Variants in INPP4A observed in about 807,000 individuals in gnomAD.
INPP4A encodes the protein inositol polyphosphate-4-phosphatase, type I, 107kD.
INPP4A carries 33 observed loss-of-function variants against 119.8 expected under a neutral mutation model. The ratio of observed to expected loss-of-function variants is 0.28; its 90% confidence interval spans 0.21 to 0.37. The LOEUF (loss-of-function observed/expected upper bound fraction) is 0.37. INPP4A is among the 10% of genes least tolerant of loss of function. The probability of loss-of-function intolerance (pLI) is 1.00; values close to 1 mark genes in which losing one functional copy is unlikely to be tolerated. For missense variants in INPP4A, 956 were observed against 1,289.9 expected (o/e 0.74, Z 3.97); for synonymous variants, 496 against 500.7 (o/e 0.99, Z 0.12).
chr2:98,555,183 T>C (rs989009221), intron 15 of INPP4A, among the ~76,000 whole-genome samples: 1 of 152,134 alleles, frequency 6.6e-6, no homozygotes, highest in African/African-American at 2.4e-5. Flanking sequence ...TGTTCCCTTC[T>C]ATCAAAAGGA....
intron 1 of INPP4A, among the ~76,000 whole-genome samples, chr2:98,503,628 C>A (rs1391485043): frequency 6.6e-6 from 1 of 152,228 alleles, no homozygotes; most frequent in East Asian, 1.9e-4. Flanking sequence ...AGGCAGAGAT[C>A]ACTTCTGATT....
rs1227657853 is a variant in INPP4A, at chr2:98,570,194, A to G, written c.2518+1526A>G. Among the ~76,000 whole-genome samples, 1 of 152,164 alleles carries G rather than the reference A, an allele frequency of 6.6e-6. No individual in the cohort carries two copies. The highest frequency in any genetic ancestry group is 1.5e-5 in the Non-Finnish European group (1 of 68,020). On this transcript the variant is annotated intron_variant, in intron 22 of 24. Coordinates refer to ENST00000409851, the MANE Select transcript of INPP4A (RefSeq NM_001134225.2). The surrounding 1 kb of genome is among the most constrained non-coding windows in gnomAD (Gnocchi z 4.3). ...TGCAGCACTGGCCCCAGCTGAGCTG[A>G]TGACATGGGCAAATGACTTGTGGGG... is the stretch of plus-strand genomic sequence containing the variant.
chr2:98,483,154 A>G (rs188005076), intron 1 of INPP4A, among the ~76,000 whole-genome samples: 57 of 152,342 alleles, frequency 3.7e-4, no homozygotes, highest in African/African-American at 1.3e-3. Flanking sequence ...AGGAATAACA[A>G]TACAGTGAAT....
At chr2:98,520,289 C>A in intron 3 of INPP4A, 135 bp downstream of exon 3, 1 of 700,480 alleles carries the variant, frequency 1.4e-6, no homozygotes, top group Non-Finnish European at 2.4e-6. Context: ...GGTTTGGCAT[C>A]CTTCTGGTTG....
chr2:98,525,331 A>C (rs891111610), intron 4 of INPP4A, among the ~76,000 whole-genome samples: 5 of 152,146 alleles, frequency 3.3e-5, no homozygotes, highest in African/African-American at 1.2e-4. Flanking sequence ...ATTCACCCTA[A>C]GGCCTTCCTC....
chr2:98,482,625 G>A (rs1169976687), intron 1 of INPP4A, among the ~76,000 whole-genome samples: 1 of 152,254 alleles, frequency 6.6e-6, no homozygotes, highest in African/African-American at 2.4e-5. Flanking sequence ...CCTGTCACAG[G>A]GAGGCCAGCG....
chr2:98,541,049 C>T (rs1431728288), intron 10 of INPP4A, among the ~76,000 whole-genome samples: 1 of 152,182 alleles, frequency 6.6e-6, no homozygotes, highest in Non-Finnish European at 1.5e-5. Context: ...GGCAAGAGGC[C>T]AGGCGCAGTG....
intron 1 of INPP4A, among the ~76,000 whole-genome samples, chr2:98,503,870 C>T (rs1683581319): frequency 1.3e-5 from 2 of 152,218 alleles, no homozygotes; most frequent in Non-Finnish European, 2.9e-5. Flanking sequence ...GAAGAGGTGC[C>T]ACATGAGAAG....
rs189401193 is a variant in INPP4A at position 98,541,734 on chromosome 2, A to G, written c.818+2059A>G. ...TGAACAGATAGAACTACAAGCACAC[A>G]CCACTATGCCCAGCTAATTTTTTCA... On this transcript the variant is annotated intron_variant, in intron 10 of 24. Transcript: ENST00000409851. 1.7e-3 allele frequency among the ~76,000 whole-genome samples: 258 copies of G among 152,264 alleles called. 1 individual carries two copies. Among genetic ancestry groups the G allele is most frequent in the Middle Eastern group, 6.8e-3 (2 of 294 alleles).
At chr2:98,545,233 C>T (rs1158552505) in intron 11 of INPP4A, among the ~76,000 whole-genome samples, 1 of 152,132 alleles carries the variant, frequency 6.6e-6, no homozygotes, top group Non-Finnish European at 1.5e-5. Flanking sequence ...CTAGATGAAA[C>T]GTTTATTTCT....
At position 98,566,023 on chromosome 2, in the gene INPP4A, C is replaced by T; in HGVS notation, c.2280-6C>T. On this transcript the variant is annotated splice_polypyrimidine_tract_variant and splice_region_variant and intron_variant, in intron 20 of 24. Coordinates refer to ENST00000409851, the MANE Select transcript of INPP4A (RefSeq NM_001134225.2). The surrounding 1 kb of genome is among the most constrained non-coding windows in gnomAD (Gnocchi z 4.2). The stretch of plus-strand genomic sequence containing the variant: ...CACTGCTCTCCCTCTCTCCACCTTT[C>T]TCCAGCGACGGGTTTAACGTGCGGG... 2 of 1,604,184 alleles carry T rather than the reference C, an allele frequency of 1.2e-6. No individual in the cohort carries two copies. Among genetic ancestry groups the T allele is most frequent in the Non-Finnish European group, 8.5e-7 (1 of 1,175,536 alleles).
intron 1 of INPP4A, among the ~76,000 whole-genome samples, chr2:98,452,609 C>T (rs1448612800): frequency 1.3e-5 from 2 of 152,174 alleles, no homozygotes; most frequent in African/African-American, 4.8e-5. Flanking sequence ...TGTTTACGGC[C>T]CTGGGGGCCG....
At chr2:98,470,942 A>G (rs1675888094) in intron 1 of INPP4A, among the ~76,000 whole-genome samples, 1 of 152,200 alleles carries the variant, frequency 6.6e-6, no homozygotes, top group African/African-American at 2.4e-5. Flanking sequence ...CTGGGATTAC[A>G]TGCGTGAGCC....
intron 17 of INPP4A, among the ~76,000 whole-genome samples, chr2:98,562,271 A>G (rs573583054): frequency 2.0e-5 from 3 of 152,254 alleles, no homozygotes; most frequent in East Asian, 1.9e-4. Flanking sequence ...GCTGCTACAT[A>G]TACTTAAACA....
rs535634240 is a variant in INPP4A at position 98,483,493 on chromosome 2, T to C, written c.-165-35471T>C. Among the ~76,000 whole-genome samples the C allele has an allele frequency of 4.6e-3, 695 of 152,242 alleles. 7 individuals carry two copies. Among genetic ancestry groups the C allele is most frequent in the African/African-American group, 0.016 (653 of 41,536 alleles). ...TGGGGCCAAGTCCTGATGGATCATG[T>C]TCCCCCCCGGTCTTGTCTTTCTAAT... On this transcript the variant is annotated intron_variant, in intron 1 of 24. Transcript: ENST00000409851.
intron 16 of INPP4A, among the ~76,000 whole-genome samples, chr2:98,558,012 G>A (rs1198761032): frequency 2.0e-5 from 3 of 152,182 alleles, no homozygotes; most frequent in East Asian, 3.8e-4. Flanking sequence ...CCAGGTTCTT[G>A]TACCCCTGAG....
In INPP4A at chr2:98,594,135, C is replaced by T. The variant is rs1183622802; in HGVS notation, c.*6527C>T. On this transcript the variant is annotated 3_prime_UTR_variant, in exon 25 of 25. Coordinates refer to ENST00000409851, the MANE Select transcript of INPP4A (RefSeq NM_001134225.2). ...CTGGACCACGCTGTTTTTCTCACTA[C>T]ATAATCGGTTACGCTAAATGCATCA... 6.6e-6 allele frequency: 1 copy of T among 152,166 alleles called. No homozygotes were observed. Among genetic ancestry groups the T allele is most frequent in the Non-Finnish European group, 1.5e-5 (1 of 68,040 alleles). 9.4% of individuals were successfully genotyped at this position (152,166 alleles called of 1,614,324 possible).
chr2:98,445,689 A>G (rs1182432135), intron 1 of INPP4A, among the ~76,000 whole-genome samples: 1 of 152,230 alleles, frequency 6.6e-6, no homozygotes, highest in East Asian at 1.9e-4. Context: ...CAGACGTTCA[A>G]AATGTCAGAG....
rs1014675675 is a variant in INPP4A at position 98,593,024 on chromosome 2, G to A, written c.*5416G>A. ...CATCCTGTGCCAACAGTAGGCAAACGGAGAGTAGCTTGGTCTTGTTTTTAT... is the reference window on the plus strand; with the variant it reads ...CATCCTGTGCCAACAGTAGGCAAACAGAGAGTAGCTTGGTCTTGTTTTTAT... On this transcript the variant is annotated 3_prime_UTR_variant, in exon 25 of 25. Coordinates refer to ENST00000409851, the MANE Select transcript of INPP4A (RefSeq NM_001134225.2). The A allele has an allele frequency of 6.6e-6, 1 of 152,324 alleles. No homozygotes were observed. The highest frequency in any genetic ancestry group is 2.4e-5 in the African/African-American group (1 of 41,454). 9.4% of individuals were successfully genotyped at this position (152,324 alleles called of 1,614,324 possible). A position where few individuals can be genotyped will look rare whatever the true frequency, so the allele number is the denominator to read the frequency against.
Sources: gnomAD v4.1 joint callset for allele counts (sites outside exome capture counted in the v4.1 genomes callset) on GRCh38, gnomAD v4.1.1 for gene constraint, Gnocchi (gnomAD v3.1) non-coding constraint, MANE v1.5 for transcripts, NCBI Gene and HGNC (gene_info 2026-07-23, HGNC 2026-07-21) for gene names.